IGF1R: variants seen among roughly 807,000 people sequenced by gnomAD.
IGF1R encodes insulin-like growth factor 1 receptor.
A neutral mutation model predicts 144.6 loss-of-function variants in IGF1R; 44 were observed. The ratio of observed to expected loss-of-function variants is 0.30; its 90% CI spans 0.24 to 0.39. IGF1R has a LOEUF of 0.39. Among genes scored for constraint, IGF1R ranks in the 10% least tolerant of loss-of-function variants. The probability of loss-of-function intolerance (pLI) is 1.00; values close to 1 mark genes in which losing one functional copy is unlikely to be tolerated. For missense variants in IGF1R, 1,355 were observed against 1,833.7 expected (o/e 0.74, Z 4.77); for synonymous variants, 795 against 722.8 (o/e 1.10, Z -1.60).
chr15:98,862,350 TC>T (rs2012203984), intron 2 of IGF1R, among the ~76,000 whole-genome samples: 1 of 152,232 alleles, frequency 6.6e-6, no homozygotes, highest in Non-Finnish European at 1.5e-5. Context: ...TGTTGACTGT[TC>T]CTCTTTGCAT....
rs746867509 is a variant in IGF1R at position 98,830,526 on chromosome 15, GAA to G, written c.641-60796_641-60795del. Among the ~76,000 whole-genome samples, 10 of 151,458 alleles carry G rather than the reference GAA, an allele frequency of 6.6e-5. No homozygotes were observed. In the South Asian group the frequency reaches 1.7e-3, roughly 25 times the overall value. The stretch of plus-strand genomic sequence containing the variant: ...TACCCAAGACTGGGTAATTTATAAA[GAA>G]AAGAGGGTTAGCTTTTTTTTTTCCG... On this transcript the variant is annotated intron_variant, in intron 2 of 20. Coordinates refer to ENST00000650285, the MANE Select transcript of IGF1R (RefSeq NM_000875.5).
At chr15:98,861,285 A>G (rs2012138722) in intron 2 of IGF1R, among the ~76,000 whole-genome samples, 1 of 152,226 alleles carries the variant, frequency 6.6e-6, no homozygotes, top group Non-Finnish European at 1.5e-5. Context: ...TTCCTCTCAG[A>G]TAAATATACA....
intron 2 of IGF1R, among the ~76,000 whole-genome samples, chr15:98,825,303 A>T (rs192955641): frequency 7.2e-5 from 11 of 152,286 alleles, no homozygotes; most frequent in African/African-American, 2.6e-4. Flanking sequence ...AGATACCAAA[A>T]TCCACAGATG....
At chr15:98,750,393 C>T (rs1278441716) in intron 2 of IGF1R, among the ~76,000 whole-genome samples, 3 of 152,228 alleles carry the variant, frequency 2.0e-5, no homozygotes, top group Non-Finnish European at 4.4e-5. Flanking sequence ...TCCAGCTTCT[C>T]GTCGTCCAGG....
intron 1 of IGF1R, among the ~76,000 whole-genome samples, chr15:98,699,048 T>A (rs2053663722): frequency 6.6e-6 from 1 of 152,228 alleles, no homozygotes; most frequent in Admixed American, 6.5e-5. Flanking sequence ...GACTTTTATT[T>A]AGGACATTTG....
chr15:98,862,544 G>A (rs933174458), intron 2 of IGF1R, among the ~76,000 whole-genome samples: 2 of 152,190 alleles, frequency 1.3e-5, no homozygotes, highest in Non-Finnish European at 2.9e-5. Flanking sequence ...GTAGAGGTTT[G>A]TCATATCTCT....
intron 2 of IGF1R, among the ~76,000 whole-genome samples, chr15:98,761,243 T>C (rs191430704): frequency 6.6e-6 from 1 of 152,332 alleles, no homozygotes; most frequent in Non-Finnish European, 1.5e-5. Context: ...TTGTCTCTGA[T>C]GGCTTGGGGT....
At chr15:98,779,064 A>G (rs1400003390) in intron 2 of IGF1R, among the ~76,000 whole-genome samples, 2 of 152,222 alleles carry the variant, frequency 1.3e-5, no homozygotes, top group Non-Finnish European at 2.9e-5. Flanking sequence ...ACTGTCAGAT[A>G]ATTGAGCGTG....
chr15:98,899,560 T>A lies in IGF1R; in HGVS notation c.1186T>A (p.Leu396Met). Residue 396 changes from leucine (L) to methionine (M), a missense_variant, in exon 5 of 21, where the codon TTG becomes ATG. Physicochemically the swap from Leu to Met is conservative, Grantham distance 15. This residue lies in a region of IGF1R where 880 missense variants were observed against 1,202.7 expected (regional missense o/e 0.73). Coordinates refer to ENST00000650285, the MANE Select transcript of IGF1R (RefSeq NM_000875.5). ...GYVKIRHSHA[L>M]VSLSFLKNLR... ...CGTGAAGATCCGCCATTCTCATGCC[T>A]TGGTCTCCTTGTCCTTCCTAAAAAA... 6.2e-7 allele frequency: 1 copy of A among 1,614,142 alleles called. No individual in the cohort carries two copies. The highest frequency in any genetic ancestry group is 8.5e-7 in the Non-Finnish European group (1 of 1,179,996).
chr15:98,694,214 G>C (rs184761936), intron 1 of IGF1R, among the ~76,000 whole-genome samples: 1 of 152,064 alleles, frequency 6.6e-6, no homozygotes, highest in African/African-American at 2.4e-5. Context: ...AACAGAGTTC[G>C]TGCTGAAGCG....
At chr15:98,684,368 T>G (rs2053268956) in intron 1 of IGF1R, among the ~76,000 whole-genome samples, 1 of 139,418 alleles carries the variant, frequency 7.2e-6, no homozygotes, top group African/African-American at 2.7e-5. Context: ...TGTAGCTCTG[T>G]GGGGTTTTTT....
chr15:98,714,901 A>G (rs1005721945), intron 2 of IGF1R, among the ~76,000 whole-genome samples: 2 of 152,036 alleles, frequency 1.3e-5, no homozygotes. Flanking sequence ...TCTGCAGGCC[A>G]CTGTTCCCCA....
At chr15:98,834,160 A>C (rs2057052523) in intron 2 of IGF1R, among the ~76,000 whole-genome samples, 1 of 152,246 alleles carries the variant, frequency 6.6e-6, no homozygotes, top group African/African-American at 2.4e-5. Context: ...ACAAGTTTAC[A>C]GCTTGAACTT....
intron 2 of IGF1R, among the ~76,000 whole-genome samples, chr15:98,756,539 G>A (rs1252278805): frequency 6.6e-6 from 1 of 150,790 alleles, no homozygotes; most frequent in South Asian, 2.1e-4. Flanking sequence ...CTCTTTTTTT[G>A]CTTTTTTCCC....
chr15:98,914,555 G>T (rs138226219), intron 8 of IGF1R, among the ~76,000 whole-genome samples: 1 of 152,196 alleles, frequency 6.6e-6, no homozygotes, highest in Non-Finnish European at 1.5e-5. Context: ...CTGATCCTGC[G>T]TGTGGGTTGG....
intron 2 of IGF1R, among the ~76,000 whole-genome samples, chr15:98,772,677 C>CT (rs956887390): frequency 2.5e-4 from 37 of 150,154 alleles, no homozygotes; most frequent in African/African-American, 7.6e-4. Context: ...TTTTTTTTAA[C>CT]TTTTTTTTAC....
chr15:98,767,001 T>A lies in IGF1R; in HGVS notation c.640+58894T>A, dbSNP rs568554577. Among the ~76,000 whole-genome samples the A allele has an allele frequency of 1.9e-3, 291 of 152,198 alleles. 1 individual carries two copies. The highest frequency in any genetic ancestry group is 3.3e-3 in the Non-Finnish European group (224 of 68,002). ...CCAGGCTCGGTGTAGAGACCAAGGG[T>A]GCCTTTCCCCTTCCTTTCCGCCCGT... On this transcript the variant is annotated intron_variant, in intron 2 of 20. Coordinates refer to ENST00000650285, the MANE Select transcript of IGF1R (RefSeq NM_000875.5).
intron 2 of IGF1R, among the ~76,000 whole-genome samples, chr15:98,766,878 T>C (rs2055449459): frequency 6.6e-6 from 1 of 152,216 alleles, no homozygotes; most frequent in African/African-American, 2.4e-5. Context: ...CAGGAGGTTA[T>C]TTAAGCAAGT....
rs2053498366 is a variant in IGF1R, at chr15:98,692,391, A to G, written c.95-15171A>G. Among the ~76,000 whole-genome samples, 3 of 152,066 alleles carry G rather than the reference A, an allele frequency of 2.0e-5. No individual in the cohort carries two copies. The South Asian group carries it at 6.2e-4, about 32-fold the overall frequency. ...AGGGTCTTGCTCTGTTCAGGCTGGA[A>G]TGCAGTGGTGTCATCATCATAGTTT... On this transcript the variant is annotated intron_variant, in intron 1 of 20. Coordinates refer to ENST00000650285, the MANE Select transcript of IGF1R (RefSeq NM_000875.5).
Sources: allele counts gnomAD v4.1 joint callset (sites outside exome capture counted in the v4.1 genomes callset), GRCh38; gene constraint gnomAD v4.1.1; regional missense constraint gnomAD v4.1.1; transcripts MANE v1.5; gene names NCBI Gene and HGNC (gene_info 2026-07-23, HGNC 2026-07-21).